The following CACNA2D4 variants were observed in gnomAD, a reference collection of about 807,000 sequenced individuals.
The protein encoded by CACNA2D4 is voltage-dependent calcium channel subunit alpha-2/delta-4.
A neutral mutation model predicts 163.8 loss-of-function variants in CACNA2D4; 157 were observed. That is an observed-to-expected ratio of 0.96 (90% CI 0.84 to 1.09). CACNA2D4 has a LOEUF of 1.09. Among genes scored for constraint, CACNA2D4 ranks in the 50% least tolerant of loss-of-function variants. The pLI is 0.00. For missense variants in CACNA2D4, 1,410 were observed against 1,479.9 expected, an observed-to-expected ratio of 0.95 and a Z score of 0.78; for synonymous variants, 598 against 586.9, an observed-to-expected ratio of 1.02 and a Z score of -0.27.
Position 1,840,794 on chromosome 12 carries a change from C to G in CACNA2D4, c.2496G>C (p.Val832=), listed in dbSNP as rs1224657825. The G allele has an allele frequency of 6.2e-7, 1 of 1,613,784 alleles. No individual in the cohort carries two copies. The highest frequency in any genetic ancestry group is 8.5e-7 in the Non-Finnish European group (1 of 1,179,908). Residue 832 remains valine, a synonymous_variant, in exon 26 of 38, where the codon GTG becomes GTC. Transcript: ENST00000382722. ...GPESAGEPMV[V]TASTAVAVTV... Reference sequence around the variant, plus strand: ...TCACCGCCACAGCTGTGCTTGCCGTCACCACCATGGGTTCACCCGCACTTT... The same window carrying G: ...TCACCGCCACAGCTGTGCTTGCCGTGACCACCATGGGTTCACCCGCACTTT...
At chr12:1,884,395 G>A in intron 11 of CACNA2D4, 74 bp from the exon 12 acceptor site, 1 of 1,224,744 alleles carries the variant, frequency 8.2e-7, no homozygotes, top group Non-Finnish European at 1.2e-6. Context: ...GTTTATATGA[G>A]TCTTAGATGT....
At chr12:1,892,496 T>C (rs986586506) in intron 6 of CACNA2D4, among the ~76,000 whole-genome samples, 15 of 151,562 alleles carry the variant, frequency 9.9e-5, no homozygotes, top group African/African-American at 3.6e-4. Context: ...CAAACACAAA[T>C]AAGGAAGAGT....
At chr12:1,888,380 A>G (rs1271448061) in intron 6 of CACNA2D4, among the ~76,000 whole-genome samples, 1 of 152,230 alleles carries the variant, frequency 6.6e-6, no homozygotes, top group Non-Finnish European at 1.5e-5. Context: ...GAAGAGGACA[A>G]GCAGCATGGC....
chr12:1,918,292 G>T lies in CACNA2D4; in HGVS notation c.182C>A (p.Thr61Asn). 6.2e-7 allele frequency: 1 copy of T among 1,610,390 alleles called. No individual in the cohort carries two copies. The highest frequency in any genetic ancestry group is 8.5e-7 in the Non-Finnish European group (1 of 1,178,440). The stretch of plus-strand genomic sequence containing the variant: ...CTGTCCCCACGCAGGGGACAGGGAG[G>T]TGCCTAGAAGCAGCAGCCACAGGAG... ...SALLWLLLLG[T>N]SLSPAWGQAK... Residue 61 changes from threonine (T) to asparagine (N), a missense_variant, in exon 1 of 38, where the codon ACC becomes AAC. Coordinates refer to ENST00000382722, the MANE Select transcript of CACNA2D4 (RefSeq NM_172364.5).
At chr12:1,826,511 T>A (rs1416256823) in intron 26 of CACNA2D4, among the ~76,000 whole-genome samples, 1 of 137,856 alleles carries the variant, frequency 7.3e-6, no homozygotes, top group Admixed American at 8.3e-5. Context: ...CCACCCCTCA[T>A]GCCAGGGACG....
rs1011623562 is a variant in CACNA2D4 at position 1,818,533 on chromosome 12, G to A, written c.2552-6810C>T. ...ACTCAGGGTTAAATGGATTAAGGGC[G>A]GTGCAAGATGTGCTTTGTTAAACAG... is the stretch of plus-strand genomic sequence containing the variant. On this transcript the variant is annotated intron_variant, in intron 26 of 37. Transcript: ENST00000382722. Among the ~76,000 whole-genome samples the A allele has an allele frequency of 3.3e-5, 5 of 151,658 alleles. No homozygotes were observed. The South Asian group carries it at 1.0e-3, about 31-fold the overall frequency.
chr12:1,896,494 C>T (rs1405797102), intron 6 of CACNA2D4, among the ~76,000 whole-genome samples: 2 of 151,996 alleles, frequency 1.3e-5, no homozygotes, highest in Non-Finnish European at 2.9e-5. Context: ...AGAAGACATA[C>T]AAATGGCCAA....
At chr12:1,831,054 C>G in intron 26 of CACNA2D4, 1 of 1,613,952 alleles carries the variant, frequency 6.2e-7, no homozygotes, top group South Asian at 1.1e-5. Context: ...CACCACGGTG[C>G]CCCCAGACGT....
intron 1 of CACNA2D4, among the ~76,000 whole-genome samples, chr12:1,916,741 A>G (rs2429166): frequency 0.22 from 33,647 of 152,134 alleles, 3,948 homozygotes; most frequent in East Asian, 0.5. Flanking sequence ...TGGATTGGGC[A>G]TGAGGAGGGC....
chr12:1,844,408 C>T lies in CACNA2D4; in HGVS notation c.2464G>A (p.Gly822Arg). 6.2e-7 allele frequency: 1 copy of T among 1,613,494 alleles called. No homozygotes were observed. The highest frequency in any genetic ancestry group is 2.2e-5 in the East Asian group (1 of 44,864). Residue 822 changes from glycine (G) to arginine (R), a missense_variant, in exon 25 of 38, where the codon GGA (glycine) becomes AGA (arginine). Gly to Arg is a moderately radical substitution (Grantham distance 125). Coordinates refer to ENST00000382722, the MANE Select transcript of CACNA2D4 (RefSeq NM_172364.5). This position sits in a 1 kb window ranked among gnomAD's most constrained non-coding sequence, Gnocchi z 4.2. ...SFVFNLRWAE[G>R]PESAGEPMVV... is the part of the protein sequence containing the mutation. ...GCACCGGGCTGTGTGTTACCTGGTC[C>T]TTCTGCCCAGCGGAGGTTGAAGACG...
In CACNA2D4 at chr12:1,843,649, C is replaced by G. The variant is rs140562886; in HGVS notation, c.2470+753G>C. 2.0e-5 allele frequency among the ~76,000 whole-genome samples: 3 copies of G among 152,334 alleles called. No individual in the cohort carries two copies. In the South Asian group the frequency reaches 6.2e-4, roughly 32 times the overall value. On this transcript the variant is annotated intron_variant, in intron 25 of 37. Coordinates refer to ENST00000382722, the MANE Select transcript of CACNA2D4 (RefSeq NM_172364.5). The surrounding 1 kb of genome is among the most constrained non-coding windows in gnomAD (Gnocchi z 4.6). ...AGTCACTTCGAGTGTAAATCAAGAG[C>G]ACCAGGCTATGCAGACACTGAAGCC...
Position 1,891,190 on chromosome 12 carries a change from A to T in CACNA2D4, c.782-4121T>A, listed in dbSNP as rs796682906. On this transcript the variant is annotated intron_variant, in intron 6 of 37. Coordinates refer to ENST00000382722, the MANE Select transcript of CACNA2D4 (RefSeq NM_172364.5). Reference sequence around the variant, plus strand: ...ACCTCCCTGGGACCCAAGGACATGCATGCTCAGCCCACTGCCACAACTGGG... The same window carrying T: ...ACCTCCCTGGGACCCAAGGACATGCTTGCTCAGCCCACTGCCACAACTGGG... Among the ~76,000 whole-genome samples, 53 of 152,270 alleles carry T rather than the reference A, an allele frequency of 3.5e-4. 1 individual carries two copies. The highest frequency in any genetic ancestry group is 3.4e-3 in the Middle Eastern group (1 of 294).
rs1216708543 is a variant in CACNA2D4 at position 1,883,069 on chromosome 12, AC to A, written c.1352-70del. On this transcript the variant is annotated intron_variant, in intron 12 of 37. Transcript: ENST00000382722. The surrounding 1 kb of genome is among the most constrained non-coding windows in gnomAD (Gnocchi z 4.5). Reference sequence around the variant, plus strand: ...CTGGGAACCCCTCGCCAGGGCCTGCACCCTCCCCAGCTGCAGATGGCTCATA... The same window carrying A: ...CTGGGAACCCCTCGCCAGGGCCTGCACCTCCCCAGCTGCAGATGGCTCATA... 2.2e-5 allele frequency: 34 copies of A among 1,513,844 alleles called. No homozygotes were observed. In the Middle Eastern group the frequency reaches 7.1e-4, roughly 32 times the overall value. The allele number at this position is 1,513,844 out of a possible 1,614,324, so 93.8% of individuals were successfully genotyped here.
Position 1,913,070 on chromosome 12 carries a change from A to G in CACNA2D4, c.379T>C (p.Ser127Pro). ...VDGLELVRKF[S>P]EDMENMLRRK... is the part of the protein sequence containing the mutation. ...CGCAGCATGTTCTCCATGTCCTCTG[A>G]GAACTTCCTCACCAGCTCCAAGCCA... The change falls in exon 3 of 38, where the codon TCA becomes CCA. Residue 127 changes from serine to proline, a missense_variant. Coordinates refer to ENST00000382722, the MANE Select transcript of CACNA2D4 (RefSeq NM_172364.5). 1 of 1,613,880 alleles carries G rather than the reference A, an allele frequency of 6.2e-7. No homozygotes were observed.
intron 6 of CACNA2D4, among the ~76,000 whole-genome samples, chr12:1,896,654 C>CACACACAAAAAA (rs1555186444): frequency 4.0e-5 from 5 of 123,902 alleles, no homozygotes; most frequent in African/African-American, 1.5e-4. Flanking sequence ...CACACACACA[C>CACACACAAAAAA]AAAACAGATG....
At chr12:1,907,320 G>T in intron 6 of CACNA2D4, 120 bp downstream of exon 6, 1 of 868,518 alleles carries the variant, frequency 1.2e-6, no homozygotes, top group Non-Finnish European at 1.8e-6. Context: ...GAGATGCTTT[G>T]GGATAGGAGG....
intron 4 of CACNA2D4, among the ~76,000 whole-genome samples, chr12:1,908,487 TCCCGCAGCTGCCCTCGGCCTCTC>T (rs1866723892): frequency 6.6e-6 from 1 of 151,870 alleles, no homozygotes; most frequent in South Asian, 2.1e-4. Context: ...AGGTTCCGAG[TCCCGCAGCTGCCCTCGGCCTCTC>T]CCACGCGGTG....
intron 6 of CACNA2D4, among the ~76,000 whole-genome samples, chr12:1,902,884 C>A (rs1418135929): frequency 1.3e-5 from 2 of 151,924 alleles, no homozygotes; most frequent in Non-Finnish European, 2.9e-5. Flanking sequence ...TATATGGAAC[C>A]AAAAAAGACC....
rs1177060551 is a variant in CACNA2D4, at chr12:1,801,469, C to T, written c.2792+105G>A. The stretch of plus-strand genomic sequence containing the variant: ...TTTTGCAGCTCTTTGGGGGCACCCA[C>T]TGTGGGTTTTGGAGGTCAGGATCCT... On this transcript the variant is annotated intron_variant, in intron 30 of 37. Transcript: ENST00000382722. The T allele has an allele frequency of 7.2e-6, 7 of 967,232 alleles. No individual in the cohort carries two copies. In the East Asian group the frequency reaches 1.3e-4, roughly 18 times the overall value. The allele number at this position is 967,232 out of a possible 1,614,324, so 59.9% of individuals were successfully genotyped here.
Sources: allele counts gnomAD v4.1 joint callset (sites outside exome capture counted in the v4.1 genomes callset), GRCh38; gene constraint gnomAD v4.1.1; non-coding constraint Gnocchi (gnomAD v3.1); transcripts MANE v1.5; gene names NCBI Gene and HGNC (gene_info 2026-07-23, HGNC 2026-07-21).